IFNG-AS1: variants seen among roughly 807,000 people sequenced by gnomAD.
IFNG-AS1 encodes IFNG regulatory antisense RNA 1, also known as IFNG antisense RNA 1 (non-protein coding).
chr12:68,018,099 C>T (rs748188492), intron 3 of IFNG-AS1, among the ~76,000 whole-genome samples: 1 of 152,074 alleles, frequency 6.6e-6, no homozygotes, highest in Non-Finnish European at 1.5e-5. Flanking sequence ...CTCAAACCAC[C>T]ACCCATCCAA....
At chr12:68,003,778 G>T (rs973018320) in intron 2 of IFNG-AS1, among the ~76,000 whole-genome samples, 4 of 152,020 alleles carry the variant, frequency 2.6e-5, no homozygotes, top group African/African-American at 4.8e-5. Flanking sequence ...ATGGTAGCGG[G>T]TGTCTGTAGT....
In IFNG-AS1 at chr12:67,989,995, G is replaced by C. The variant is rs773045609; in HGVS notation, n.51+416G>C. 3.3e-5 allele frequency among the ~76,000 whole-genome samples: 5 copies of C among 152,150 alleles called. No individual in the cohort carries two copies. In the East Asian group the frequency reaches 9.6e-4, roughly 29 times the overall value. On this transcript the variant is annotated intron_variant and non_coding_transcript_variant, in intron 1 of 5. Coordinates refer to ENST00000536914, the Ensembl canonical transcript of IFNG-AS1. ...CAGGTGGATGAGTTGGGAAGAAAATGCCATGGGCGCCGTACTCAGTTTTAA... is the reference window on the plus strand; with the variant it reads ...CAGGTGGATGAGTTGGGAAGAAAATCCCATGGGCGCCGTACTCAGTTTTAA...
rs138886208 is a variant in IFNG-AS1, at chr12:67,997,129, T to C, written n.184+1056T>C. Reference sequence around the variant, plus strand: ...ACACTTAAATAAACTTAAAAGGAAATGTGCAAAAACTGTATGAGGAAAGCA... The same window carrying C: ...ACACTTAAATAAACTTAAAAGGAAACGTGCAAAAACTGTATGAGGAAAGCA... On this transcript the variant is annotated intron_variant and non_coding_transcript_variant, in intron 2 of 5. Coordinates refer to ENST00000536914, the Ensembl canonical transcript of IFNG-AS1. Among the ~76,000 whole-genome samples, 144 of 151,990 alleles carry C rather than the reference T, an allele frequency of 9.5e-4. 2 individuals carry two copies. The East Asian group carries it at 0.022, about 24-fold the overall frequency.
At chr12:67,990,298 A>C (rs1243283680) in intron 1 of IFNG-AS1, among the ~76,000 whole-genome samples, 1 of 152,216 alleles carries the variant, frequency 6.6e-6, no homozygotes, top group Non-Finnish European at 1.5e-5. Context: ...AACTAAAAAC[A>C]ATATCTACAA....
chr12:67,994,816 G>A (rs1879597485), intron 1 of IFNG-AS1, among the ~76,000 whole-genome samples: 1 of 152,164 alleles, frequency 6.6e-6, no homozygotes, highest in African/African-American at 2.4e-5. Context: ...TTAAAGTATG[G>A]ACCCTGGAAT....
At chr12:68,001,737 T>C (rs1220942441) in intron 2 of IFNG-AS1, among the ~76,000 whole-genome samples, 1 of 152,172 alleles carries the variant, frequency 6.6e-6, no homozygotes, top group African/African-American at 2.4e-5. Flanking sequence ...CTCGTGAGAT[T>C]CTCTGATTTC....
chr12:68,000,065 A>G (rs561306919), intron 2 of IFNG-AS1, among the ~76,000 whole-genome samples: 2 of 152,342 alleles, frequency 1.3e-5, no homozygotes, highest in East Asian at 3.9e-4. Flanking sequence ...TAATGTGATA[A>G]TTGGCAAATG....
intron 1 of IFNG-AS1, among the ~76,000 whole-genome samples, chr12:67,994,911 C>T (rs1879599237): frequency 1.3e-5 from 2 of 152,182 alleles, no homozygotes; most frequent in African/African-American, 4.8e-5. Flanking sequence ...CCTCTTTATG[C>T]CTCAGTTTCC....
intron 3 of IFNG-AS1, among the ~76,000 whole-genome samples, chr12:68,019,632 G>A (rs1880239608): frequency 1.3e-5 from 2 of 152,164 alleles, no homozygotes; most frequent in South Asian, 2.1e-4. Flanking sequence ...TAGAGTAGGT[G>A]CCTCTAATGT....
chr12:67,996,758 G>A (rs570132139), intron 2 of IFNG-AS1, among the ~76,000 whole-genome samples: 116 of 152,170 alleles, frequency 7.6e-4, no homozygotes, highest in Non-Finnish European at 1.4e-3. Flanking sequence ...AACCAGTGTT[G>A]TCCATTGCTC....
At chr12:68,003,853 A>C (rs1879841779) in intron 2 of IFNG-AS1, among the ~76,000 whole-genome samples, 1 of 149,988 alleles carries the variant, frequency 6.7e-6, no homozygotes, top group African/African-American at 2.5e-5. Context: ...CTTGCAGTGA[A>C]CCGAGATCGC....
At chr12:68,010,898 T>C (rs1880010978) in intron 3 of IFNG-AS1, among the ~76,000 whole-genome samples, 1 of 152,192 alleles carries the variant, frequency 6.6e-6, no homozygotes, top group Non-Finnish European at 1.5e-5. Context: ...TGGTGACAAT[T>C]TCCTAGGTTC....
At chr12:68,019,612 G>GTCTA (rs1880238803) in intron 3 of IFNG-AS1, among the ~76,000 whole-genome samples, 2 of 152,108 alleles carry the variant, frequency 1.3e-5, no homozygotes, top group South Asian at 4.1e-4. Flanking sequence ...CACCAGAGGG[G>GTCTA]CACCCACACT....
intron 2 of IFNG-AS1, among the ~76,000 whole-genome samples, chr12:68,003,577 C>T (rs1370903693): frequency 1.3e-5 from 2 of 152,082 alleles, no homozygotes; most frequent in African/African-American, 4.8e-5. Context: ...GATGGATTTC[C>T]TCCTTTCCCA....
chr12:67,994,948 T>C (rs1402454738), intron 1 of IFNG-AS1, among the ~76,000 whole-genome samples: 1 of 152,214 alleles, frequency 6.6e-6, no homozygotes, highest in Non-Finnish European at 1.5e-5. Context: ...GAAACTAATA[T>C]GTTTCATAAA....
intron 3 of IFNG-AS1, among the ~76,000 whole-genome samples, chr12:68,016,890 C>G (rs1880167587): frequency 6.6e-6 from 1 of 152,194 alleles, no homozygotes; most frequent in South Asian, 2.1e-4. Flanking sequence ...ATGCCCTGGG[C>G]TAGGCATAAG....
intron 3 of IFNG-AS1, among the ~76,000 whole-genome samples, chr12:68,018,852 A>G (rs1880218833): frequency 6.6e-6 from 1 of 151,896 alleles, no homozygotes; most frequent in Non-Finnish European, 1.5e-5. Flanking sequence ...GGAAGGTCCA[A>G]ACACCATTAG....
At chr12:68,004,293 C>T (rs989563692) in intron 2 of IFNG-AS1, among the ~76,000 whole-genome samples, 6 of 152,168 alleles carry the variant, frequency 3.9e-5, no homozygotes, top group Non-Finnish European at 8.8e-5. Context: ...AATGGGCTCC[C>T]CCATGATGCA....
chr12:67,993,057 C>T (rs540959087), intron 1 of IFNG-AS1, among the ~76,000 whole-genome samples: 1 of 152,298 alleles, frequency 6.6e-6, no homozygotes, highest in East Asian at 1.9e-4. Flanking sequence ...TGTCCTTGTG[C>T]AGTGCTGAGG....
Sources: allele counts gnomAD v4.1 joint callset (sites outside exome capture counted in the v4.1 genomes callset), GRCh38; gene constraint gnomAD v4.1.1; transcripts MANE v1.5; gene names NCBI Gene and HGNC (gene_info 2026-07-23, HGNC 2026-07-21).